NETO1: variants seen among roughly 807,000 people sequenced by gnomAD.
NETO1 encodes neuropilin and tolloid-like protein 1.
Under a neutral mutation model 61.3 loss-of-function variants are expected in NETO1, and 26 were observed. The ratio of observed to expected loss-of-function variants is 0.42; its 90% CI spans 0.31 to 0.59. The LOEUF is 0.59. Ranked by LOEUF, NETO1 falls within the 20% of genes least tolerant of loss-of-function variation. The probability of loss-of-function intolerance (pLI) is 0.12; values close to 1 mark genes in which losing one functional copy is unlikely to be tolerated. For missense variants in NETO1, 531 were observed against 662.8 expected (o/e 0.80, Z 2.18); for synonymous variants, 225 against 225.8 (o/e 1.00, Z 0.03).
intron 7 of NETO1, among the ~76,000 whole-genome samples, chr18:72,759,351 T>A (rs1180628715): frequency 6.6e-6 from 1 of 152,218 alleles, no homozygotes. Context: ...CATGTAATTT[T>A]TAAAGTTTTA....
downstream of NETO1, among the ~76,000 whole-genome samples, chr18:72,743,324 C>G (rs997770137): frequency 3.3e-5 from 5 of 152,168 alleles, no homozygotes; most frequent in African/African-American, 4.8e-5. Context: ...TGACCATTGT[C>G]TCCATTCTTC....
chr18:72,859,113 T>C lies in NETO1; in HGVS notation c.221-39A>G, dbSNP rs767370773. ...AGATTGTGTCTAGGAGGTCATTTCT[T>C]ACATCTTCAGGTTGATGTTTTCTGA... On this transcript the variant is annotated intron_variant, in intron 3 of 10. Transcript: ENST00000327305. 2.6e-6 allele frequency: 4 copies of C among 1,534,560 alleles called. No individual in the cohort carries two copies. The South Asian group carries it at 3.8e-5, about 15-fold the overall frequency.
intron 6 of NETO1, among the ~76,000 whole-genome samples, chr18:72,793,501 G>A (rs1405463542): frequency 6.6e-6 from 1 of 152,080 alleles, no homozygotes; most frequent in Non-Finnish European, 1.5e-5. Flanking sequence ...AAAAGTCAGG[G>A]TGATCAACAT....
intron 9 of NETO1, 25 bp from the exon 10 acceptor site, chr18:72,749,113 C>G (rs773266169): frequency 1.5e-6 from 2 of 1,364,162 alleles, no homozygotes; most frequent in South Asian, 2.3e-5. Context: ...CTATTTCATT[C>G]AACAAAGTAC....
intron 7 of NETO1, among the ~76,000 whole-genome samples, chr18:72,757,859 G>A (rs1173868009): frequency 6.6e-6 from 1 of 152,026 alleles, no homozygotes; most frequent in Admixed American, 6.6e-5. Context: ...AGCATATAAA[G>A]GAGATTTTGG....
chr18:72,858,054 CTA>C (rs1452136070), intron 4 of NETO1, among the ~76,000 whole-genome samples: 1 of 151,946 alleles, frequency 6.6e-6, no homozygotes, highest in Non-Finnish European at 1.5e-5. Flanking sequence ...TGAAAACAAA[CTA>C]TATAAAAAAT....
At chr18:72,786,756 T>C (rs1239855626) in intron 6 of NETO1, among the ~76,000 whole-genome samples, 1 of 151,952 alleles carries the variant, frequency 6.6e-6, no homozygotes, top group Non-Finnish European at 1.5e-5. Flanking sequence ...TATATGCATC[T>C]AAAAATGTTA....
chr18:72,826,330 C>A (rs1211591277), intron 4 of NETO1, among the ~76,000 whole-genome samples: 2 of 152,058 alleles, frequency 1.3e-5, no homozygotes, highest in Non-Finnish European at 2.9e-5. Flanking sequence ...TAACACTTAT[C>A]TTTTCATATT....
intron 7 of NETO1, among the ~76,000 whole-genome samples, chr18:72,777,011 A>G (rs1035927485): frequency 4.6e-5 from 7 of 152,226 alleles, no homozygotes; most frequent in Non-Finnish European, 1.0e-4. Context: ...AAATGTTATG[A>G]ACCTTACAAA....
chr18:72,848,185 C>G (rs559823875), intron 4 of NETO1, among the ~76,000 whole-genome samples: 1 of 152,266 alleles, frequency 6.6e-6, no homozygotes, highest in East Asian at 1.9e-4. Flanking sequence ...TGCCATGTAA[C>G]ATAACATATT....
chr18:72,769,448 A>G (rs1484610996), intron 7 of NETO1, among the ~76,000 whole-genome samples: 2 of 152,164 alleles, frequency 1.3e-5, no homozygotes, highest in Non-Finnish European at 2.9e-5. Flanking sequence ...TTCTTTTCTG[A>G]TATTATAGAT....
intron 4 of NETO1, chr18:72,853,192 C>T (rs914240934): frequency 4.6e-5 from 7 of 152,236 alleles, no homozygotes; most frequent in South Asian, 4.1e-4. Flanking sequence ...TTTTTAAATT[C>T]ATTTCTTGAA....
chr18:72,813,171 G>A (rs1285566851), intron 4 of NETO1, among the ~76,000 whole-genome samples: 4 of 152,142 alleles, frequency 2.6e-5, no homozygotes, highest in Non-Finnish European at 5.9e-5. Flanking sequence ...AGCAGAGTGA[G>A]GAGTGACAAT....
At chr18:72,761,061 T>G (rs903737091) in intron 7 of NETO1, among the ~76,000 whole-genome samples, 13 of 152,126 alleles carry the variant, frequency 8.5e-5, no homozygotes, top group African/African-American at 2.4e-4. Flanking sequence ...CTTAAAATGT[T>G]AAGATGTATG....
chr18:72,850,543 C>A (rs987010308), intron 4 of NETO1, among the ~76,000 whole-genome samples: 1 of 152,100 alleles, frequency 6.6e-6, no homozygotes, highest in African/African-American at 2.4e-5. Flanking sequence ...TAAATAGACT[C>A]GTCAATATTT....
intron 10 of NETO1, among the ~76,000 whole-genome samples, chr18:72,748,586 T>C (rs1599074982): frequency 6.6e-6 from 1 of 152,084 alleles, no homozygotes; most frequent in Admixed American, 6.6e-5. Context: ...TTGAGTACAA[T>C]TGTTGCCAAA....
At chr18:72,847,648 T>C (rs1168076764) in intron 4 of NETO1, among the ~76,000 whole-genome samples, 2 of 152,216 alleles carry the variant, frequency 1.3e-5, no homozygotes, top group Non-Finnish European at 2.9e-5. Context: ...TAAAAAGATA[T>C]ACACATACAG....
At chr18:72,815,979 G>C (rs2073020311) in intron 4 of NETO1, among the ~76,000 whole-genome samples, 1 of 152,110 alleles carries the variant, frequency 6.6e-6, no homozygotes, top group African/African-American at 2.4e-5. Context: ...CTTAGGTGCA[G>C]ACAGGTACAG....
intron 4 of NETO1, among the ~76,000 whole-genome samples, chr18:72,807,034 C>A (rs2072696331): frequency 6.6e-6 from 1 of 152,108 alleles, no homozygotes; most frequent in African/African-American, 2.4e-5. Context: ...ATATCAATGG[C>A]AGAAAAATCT....
Sources: gnomAD v4.1 joint callset for allele counts (sites outside exome capture counted in the v4.1 genomes callset) on GRCh38, gnomAD v4.1.1 for gene constraint, MANE v1.5 for transcripts, NCBI Gene and HGNC (gene_info 2026-07-23, HGNC 2026-07-21) for gene names.